Variants in RUNX1 observed in about 807,000 individuals in gnomAD.
RUNX1 encodes runt-related transcription factor 1.
Under a neutral mutation model 42.8 loss-of-function variants are expected in RUNX1, and 19 were observed. The ratio of observed to expected loss-of-function variants is 0.44; its 90% CI spans 0.31 to 0.65. The LOEUF (loss-of-function observed/expected upper bound fraction) is 0.65. Among genes scored for constraint, RUNX1 ranks in the 30% least tolerant of loss-of-function variants. The pLI, the probability that RUNX1 is intolerant of heterozygous loss-of-function variation, is 0.07. For synonymous variants in RUNX1, 271 were observed against 289.4 expected (o/e 0.94, Z 0.64); for missense variants, 528 against 672.0 (o/e 0.79, Z 2.37).
At chr21:34,835,651 C>G (rs928114775) in intron 6 of RUNX1, among the ~76,000 whole-genome samples, 1 of 152,172 alleles carries the variant, frequency 6.6e-6, no homozygotes, top group Non-Finnish European at 1.5e-5. Context: ...CCATTCATTT[C>G]TCTTTTAAAG....
At chr21:34,936,490 T>C (rs2058486530) in intron 2 of RUNX1, among the ~76,000 whole-genome samples, 1 of 152,186 alleles carries the variant, frequency 6.6e-6, no homozygotes, top group African/African-American at 2.4e-5. Flanking sequence ...TGTTCACGAA[T>C]TTAAATGGAA....
At chr21:34,918,609 C>T (rs2058330082) in intron 2 of RUNX1, among the ~76,000 whole-genome samples, 1 of 152,154 alleles carries the variant, frequency 6.6e-6, no homozygotes, top group Non-Finnish European at 1.5e-5. Flanking sequence ...TAAAAAAGTA[C>T]ATGAAATAAG....
At chr21:34,930,289 T>TATATATATATATATATATATAAAA (rs1555906453) in intron 2 of RUNX1, among the ~76,000 whole-genome samples, 1 of 137,350 alleles carries the variant, frequency 7.3e-6, no homozygotes, top group African/African-American at 3.1e-5. Context: ...TATATATATA[T>TATATATATATATATATATATAAAA]ATAAATAAAT....
At chr21:34,991,274 G>C (rs1009141221) in intron 2 of RUNX1, among the ~76,000 whole-genome samples, 1 of 151,888 alleles carries the variant, frequency 6.6e-6, no homozygotes, top group African/African-American at 2.4e-5. Flanking sequence ...AAATTCCCTC[G>C]GTCCTCTCTT....
intron 2 of RUNX1, among the ~76,000 whole-genome samples, chr21:34,956,722 A>T (rs370240838): frequency 6.6e-6 from 1 of 152,104 alleles, no homozygotes; most frequent in Non-Finnish European, 1.5e-5. Flanking sequence ...AGCAAAGTTG[A>T]TCTGAATTGC....
chr21:35,025,342 T>C lies in RUNX1; in HGVS notation c.58+23500A>G, dbSNP rs191251570. Among the ~76,000 whole-genome samples, 246 of 152,218 alleles carry C rather than the reference T, an allele frequency of 1.6e-3. 1 individual carries two copies. The highest frequency in any genetic ancestry group is 2.7e-3 in the Non-Finnish European group (185 of 68,006). ...CCTGGCCCCGGCCCACTGAAGAAAG[T>C]TCCTTCTTGAGTGCATTCAAAGCTC... is the stretch of plus-strand genomic sequence containing the variant. On this transcript the variant is annotated intron_variant, in intron 2 of 8. Coordinates refer to ENST00000675419, the MANE Select transcript of RUNX1 (RefSeq NM_001754.5).
At chr21:34,839,318 T>C (rs180814162) in intron 6 of RUNX1, among the ~76,000 whole-genome samples, 154 of 147,284 alleles carry the variant, frequency 1.0e-3, no homozygotes, top group Admixed American at 1.8e-3. Context: ...CTCAGATATG[T>C]ACACTCAGTG....
In RUNX1 at chr21:34,792,166, C is replaced by A. The variant is rs2056447396; in HGVS notation, c.1412G>T (p.Arg471Leu). ...NSPTNMAPSA[R>L]LEEAVWRPY ...GGGCCTCCACACGGCCTCCTCCAGG[C>A]GCGCGGAGGGCGCCATGTTGGTGGG... Residue 471 changes from arginine to leucine, a missense_variant, in exon 9 of 9, where the codon CGC becomes CTC. Arg to Leu is a moderately radical substitution (Grantham distance 102). Transcript: ENST00000675419. The surrounding 1 kb of genome is among the most constrained non-coding windows in gnomAD (Gnocchi z 6.9). 6.6e-7 allele frequency: 1 copy of A among 1,519,560 alleles called. No individual in the cohort carries two copies. Among genetic ancestry groups the A allele is most frequent in the African/African-American group, 1.4e-5 (1 of 72,184 alleles). The allele number at this position is 1,519,560 out of a possible 1,614,324, so 94.1% of individuals were successfully genotyped here.
At chr21:34,895,474 G>T (rs2058122751) in intron 2 of RUNX1, among the ~76,000 whole-genome samples, 2 of 152,228 alleles carry the variant, frequency 1.3e-5, no homozygotes, top group South Asian at 4.1e-4. Context: ...GGGGCCAACA[G>T]CCCCTGGTGG....
intron 2 of RUNX1, among the ~76,000 whole-genome samples, chr21:34,929,698 G>T (rs1016561470): frequency 4.6e-5 from 7 of 152,078 alleles, no homozygotes; most frequent in Non-Finnish European, 8.8e-5. Context: ...AACAAAAATT[G>T]GCTTTTTAAG....
In RUNX1 at chr21:34,850,654, G is replaced by A. The variant is rs75527889; in HGVS notation, c.613+8820C>T. Among the ~76,000 whole-genome samples the A allele has an allele frequency of 9.9e-5, 15 of 152,282 alleles. No individual in the cohort carries two copies. The East Asian group carries it at 2.9e-3, about 29-fold the overall frequency. Reference sequence around the variant, plus strand: ...CACAAAGTGCAACATTTGGGGGCAAGGCCATTTCACCCGTTAGTGACTTAG... The same window carrying A: ...CACAAAGTGCAACATTTGGGGGCAAAGCCATTTCACCCGTTAGTGACTTAG... On this transcript the variant is annotated intron_variant, in intron 6 of 8. Coordinates refer to ENST00000675419, the MANE Select transcript of RUNX1 (RefSeq NM_001754.5).
intron 5 of RUNX1, among the ~76,000 whole-genome samples, chr21:34,867,653 T>C (rs952092016): frequency 2.0e-5 from 3 of 152,210 alleles, no homozygotes; most frequent in African/African-American, 7.2e-5. Context: ...CACCATGATG[T>C]TCTCATGCAA....
chr21:34,970,995 TCCTCATAAACTTATA>T (rs2058760024), intron 2 of RUNX1, among the ~76,000 whole-genome samples: 1 of 152,236 alleles, frequency 6.6e-6, no homozygotes, highest in East Asian at 1.9e-4. Context: ...GCCCATTTGA[TCCTCATAAACTTATA>T]AGGTTATGTT....
In RUNX1 at chr21:34,834,741, C is replaced by T. The variant is rs1321065313; in HGVS notation, c.614-140G>A. On this transcript the variant is annotated intron_variant, in intron 6 of 8. Transcript: ENST00000675419. The stretch of plus-strand genomic sequence containing the variant: ...CTCTCCCCTCACCCCAACATAGACT[C>T]GCTAGAGATATGCCAGCTGAATTTG... 3.3e-5 allele frequency: 25 copies of T among 752,658 alleles called. 1 individual carries two copies. Among genetic ancestry groups the T allele is most frequent in the South Asian group, 2.2e-4 (13 of 57,844 alleles). The allele number at this position is 752,658 out of a possible 1,614,324, so 46.6% of individuals were successfully genotyped here.
In RUNX1 at chr21:34,901,518, A is replaced by AAATAATAATAATAATAATAAC; in HGVS notation, c.59-8576_59-8556dup. Among the ~76,000 whole-genome samples the AAATAATAATAATAATAATAAC allele has an allele frequency of 6.6e-6, 1 of 151,862 alleles. No individual in the cohort carries two copies. Among genetic ancestry groups the AAATAATAATAATAATAATAAC allele is most frequent in the South Asian group, 2.1e-4 (1 of 4,796 alleles). ...ACAGAGCCAGATCCGTCTCAAAAATAAATAATAATAATAATAATAACAATA... is the reference window on the plus strand; with the variant it reads ...ACAGAGCCAGATCCGTCTCAAAAATAAATAATAATAATAATAATAACAATAATAATAATAATAATAACAATA... On this transcript the variant is annotated intron_variant, in intron 2 of 8. Coordinates refer to ENST00000675419, the MANE Select transcript of RUNX1 (RefSeq NM_001754.5). This position sits in a 1 kb window ranked among gnomAD's most constrained non-coding sequence, Gnocchi z 4.3.
intron 2 of RUNX1, among the ~76,000 whole-genome samples, chr21:35,033,181 A>G (rs1388761084): frequency 6.6e-6 from 1 of 152,098 alleles, no homozygotes; most frequent in Non-Finnish European, 1.5e-5. Context: ...TCATCTATCC[A>G]TCCAACATTT....
At chr21:34,865,992 C>T (rs372745915) in intron 5 of RUNX1, among the ~76,000 whole-genome samples, 41 of 152,308 alleles carry the variant, frequency 2.7e-4, no homozygotes, top group African/African-American at 7.5e-4. Flanking sequence ...TGTTGTGACT[C>T]GGCCTCCTCA....
intron 2 of RUNX1, among the ~76,000 whole-genome samples, chr21:34,999,355 G>C (rs996970955): frequency 6.6e-6 from 1 of 152,240 alleles, no homozygotes; most frequent in Non-Finnish European, 1.5e-5. Context: ...TGTTTTGGAA[G>C]TGTTGCTATC....
chr21:35,014,015 TTA>T (rs2059142996), intron 2 of RUNX1, among the ~76,000 whole-genome samples: 1 of 152,134 alleles, frequency 6.6e-6, no homozygotes, highest in South Asian at 2.1e-4. Context: ...CATTTTAACA[TTA>T]TGGAAAAAAG....
Sources: allele counts gnomAD v4.1 joint callset (sites outside exome capture counted in the v4.1 genomes callset), GRCh38; gene constraint gnomAD v4.1.1; non-coding constraint Gnocchi (gnomAD v3.1); transcripts MANE v1.5; gene names NCBI Gene and HGNC (gene_info 2026-07-23, HGNC 2026-07-21).